DNAH12: variants seen among roughly 807,000 people sequenced by gnomAD.
DNAH12 encodes axonemal beta dynein heavy chain 12.
DNAH12 carries 285 observed loss-of-function variants against 371.5 expected under a neutral mutation model. That is an observed-to-expected ratio of 0.77 (90% CI 0.70 to 0.85). DNAH12 has a LOEUF of 0.85. DNAH12 is among the 40% of genes least tolerant of loss of function. The pLI, the probability that DNAH12 is intolerant of heterozygous loss-of-function variation, is 0.00. For synonymous variants in DNAH12, 1,200 were observed against 1,213.0 expected (o/e 0.99, Z 0.22); for missense variants, 3,611 against 3,689.4 (o/e 0.98, Z 0.55).
intron 39 of DNAH12, among the ~76,000 whole-genome samples, chr3:57,409,319 C>T (rs1189744351): frequency 4.6e-5 from 7 of 152,070 alleles, no homozygotes; most frequent in South Asian, 2.1e-4. Flanking sequence ...AGACTAAAAG[C>T]ATGCTAGAAA....
chr3:57,315,755 G>T (rs2061671568), intron 65 of DNAH12, among the ~76,000 whole-genome samples: 1 of 152,156 alleles, frequency 6.6e-6, no homozygotes, highest in Non-Finnish European at 1.5e-5. Flanking sequence ...TTGCTGTGAT[G>T]AGGACTCAGT....
At chr3:57,535,922 G>T (rs1013063143) in intron 2 of DNAH12, among the ~76,000 whole-genome samples, 44 of 140,124 alleles carry the variant, frequency 3.1e-4, no homozygotes, top group African/African-American at 1.1e-3. Flanking sequence ...CTGTAACCTC[G>T]GCCTCCCGGG....
intron 37 of DNAH12, among the ~76,000 whole-genome samples, chr3:57,418,055 G>A (rs1338285234): frequency 1.3e-5 from 2 of 152,000 alleles, no homozygotes; most frequent in African/African-American, 4.8e-5. Flanking sequence ...AGGAGGCTGA[G>A]GTAGGAGAAG....
chr3:57,433,036 C>T (rs1308401771), intron 32 of DNAH12, among the ~76,000 whole-genome samples: 1 of 152,020 alleles, frequency 6.6e-6, no homozygotes. Flanking sequence ...AGGAATTAGG[C>T]TTTTGTTATT....
intron 43 of DNAH12, among the ~76,000 whole-genome samples, chr3:57,397,753 G>A (rs1270547119): frequency 2.0e-5 from 3 of 152,230 alleles, no homozygotes; most frequent in South Asian, 2.1e-4. Flanking sequence ...AAGAAGACAC[G>A]TCCCCAGAAA....
intron 62 of DNAH12, among the ~76,000 whole-genome samples, chr3:57,325,364 C>G (rs2061917985): frequency 6.6e-6 from 1 of 152,188 alleles, no homozygotes; most frequent in Non-Finnish European, 1.5e-5. Flanking sequence ...GGGTACTCCT[C>G]TGAGACAAAA....
At chr3:57,539,091 C>A (rs4681996) in intron 2 of DNAH12, among the ~76,000 whole-genome samples, 54,666 of 151,942 alleles carry the variant, frequency 0.36, 10,995 homozygotes, top group South Asian at 0.55. Context: ...CTTATCCAAA[C>A]CACCATAAGT....
intron 4 of DNAH12, chr3:57,520,037 C>T: frequency 1.5e-6 from 1 of 673,266 alleles, no homozygotes; most frequent in Middle Eastern, 4.2e-4. Flanking sequence ...CGATGGCCGA[C>T]GTTGGGTTGG....
At chr3:57,304,809 C>CT (rs202186534) in intron 69 of DNAH12, among the ~76,000 whole-genome samples, 2,164 of 152,172 alleles carry the variant, frequency 0.014, 22 homozygotes, top group South Asian at 0.036. Context: ...GGCAAGAACT[C>CT]TCTGACCCCT....
At chr3:57,464,829 GAA>G (rs1353134613) in intron 17 of DNAH12, among the ~76,000 whole-genome samples, 3 of 152,156 alleles carry the variant, frequency 2.0e-5, no homozygotes, top group Non-Finnish European at 2.9e-5. Context: ...AGATAATAAA[GAA>G]ATGTTATTAG....
At position 57,381,244 on chromosome 3, in the gene DNAH12, TGTG is replaced by T. The variant is rs2063384162; in HGVS notation, c.7993-880_7993-878del. Reference sequence around the variant, plus strand: ...CGGAAGCCTGATAGGGAGGTGTGTGTGTGTGTGTGTGTGTGTGTAAATGAGAAT... The same window carrying T: ...CGGAAGCCTGATAGGGAGGTGTGTGTTGTGTGTGTGTGTGTAAATGAGAAT... On this transcript the variant is annotated intron_variant, in intron 50 of 73. Transcript: ENST00000495027. Among the ~76,000 whole-genome samples the T allele has an allele frequency of 8.6e-5, 13 of 151,544 alleles. No homozygotes were observed. In the South Asian group the frequency reaches 2.1e-3, roughly 24 times the overall value.
chr3:57,433,819 T>C lies in DNAH12; in HGVS notation c.4665A>G (p.Leu1555=). The C allele has an allele frequency of 2.6e-6, 4 of 1,537,866 alleles. No individual in the cohort carries two copies. Among genetic ancestry groups the C allele is most frequent in the Non-Finnish European group, 2.6e-6 (3 of 1,143,130 alleles). The change falls in exon 31 of 74, where the codon TTA becomes TTG. Residue 1555 remains leucine, a synonymous_variant. Coordinates refer to ENST00000495027, the MANE Select transcript of DNAH12 (RefSeq NM_001366028.2). ...TCTTAGCAGCAAAAGGCTCTCCTAC[T>C]AACATAAAACTATGAAGGAAAAGAA... The part of the protein sequence containing the change: ...EMMIVRHGFM[L]VGEPFAAKTK...
At chr3:57,516,830 G>T (rs754845118) in intron 4 of DNAH12, among the ~76,000 whole-genome samples, 1 of 147,036 alleles carries the variant, frequency 6.8e-6, no homozygotes, top group Non-Finnish European at 1.5e-5. Flanking sequence ...ATCAAGTTAT[G>T]TTATCCCCAT....
At chr3:57,365,913 C>G (rs2063042626) in intron 57 of DNAH12, among the ~76,000 whole-genome samples, 1 of 150,854 alleles carries the variant, frequency 6.6e-6, no homozygotes, top group South Asian at 2.1e-4. Context: ...AGCATAGATT[C>G]CTAGGGGTGA....
At chr3:57,388,903 G>A (rs1400934330) in intron 45 of DNAH12, among the ~76,000 whole-genome samples, 15 of 145,996 alleles carry the variant, frequency 1.0e-4, no homozygotes, top group South Asian at 2.2e-4. Flanking sequence ...AGGGCCTGTC[G>A]TGGGGTTGGG....
intron 55 of DNAH12, among the ~76,000 whole-genome samples, chr3:57,371,791 A>G (rs1333802519): frequency 6.6e-6 from 1 of 151,838 alleles, no homozygotes; most frequent in Non-Finnish European, 1.5e-5. Context: ...ACATTACATA[A>G]AGAGGAACTA....
At chr3:57,549,139 T>C (rs946811598), upstream of DNAH12, among the ~76,000 whole-genome samples, 2 of 151,994 alleles carry the variant, frequency 1.3e-5, no homozygotes, top group African/African-American at 2.4e-5. Flanking sequence ...AGTGAGCTAT[T>C]ATGGCTGCAC....
intron 60 of DNAH12, among the ~76,000 whole-genome samples, chr3:57,335,960 G>GT (rs2062212466): frequency 6.6e-6 from 1 of 152,210 alleles, no homozygotes; most frequent in Non-Finnish European, 1.5e-5. Flanking sequence ...TAAAACTACT[G>GT]TAAGAAAGCT....
At chr3:57,295,688 G>T (rs890828881) in intron 72 of DNAH12, 96 bp from the exon 73 acceptor site, 6 of 981,544 alleles carry the variant, frequency 6.1e-6, no homozygotes, top group Non-Finnish European at 8.7e-6. Flanking sequence ...CTAAAAGAAA[G>T]GACTAGAGGC....
Sources: allele counts gnomAD v4.1 joint callset (sites outside exome capture counted in the v4.1 genomes callset), GRCh38; gene constraint gnomAD v4.1.1; transcripts MANE v1.5; gene names NCBI Gene and HGNC (gene_info 2026-07-23, HGNC 2026-07-21).